ABHD6: variants seen among roughly 807,000 people sequenced by gnomAD.
ABHD6 encodes the protein monoacylglycerol lipase ABHD6.
A neutral mutation model predicts 38.8 loss-of-function variants in ABHD6; 33 were observed. That is an observed-to-expected ratio of 0.85 (90% confidence interval 0.64 to 1.14). The LOEUF is 1.14. Among genes scored for constraint, ABHD6 ranks in the 50% most tolerant of loss-of-function variants. The probability of loss-of-function intolerance (pLI) is 0.00; values close to 1 mark genes in which losing one functional copy is unlikely to be tolerated. For synonymous variants in ABHD6, 147 were observed against 161.6 expected (o/e 0.91, Z 0.69); for missense variants, 380 against 422.6 (o/e 0.90, Z 0.88).
At chr3:58,239,987 CA>C (rs542069109) in intron 1 of ABHD6, among the ~76,000 whole-genome samples, 603 of 129,320 alleles carry the variant, frequency 4.7e-3, no homozygotes, top group Middle Eastern at 7.9e-3. Flanking sequence ...CCATCTCTAC[CA>C]AAAAAAAAAA....
Position 58,267,914 on chromosome 3 carries a change from T to C in ABHD6, c.276+569T>C, listed in dbSNP as rs144851451. Among the ~76,000 whole-genome samples the C allele has an allele frequency of 0.029, 4,344 of 151,814 alleles. 89 individuals are homozygous for C. The highest frequency in any genetic ancestry group is 0.05 in the Admixed American group (755 of 15,234). On this transcript the variant is annotated intron_variant, in intron 4 of 9. Coordinates refer to ENST00000478253, the MANE Select transcript of ABHD6 (RefSeq NM_001320126.2). This position sits in a 1 kb window ranked among gnomAD's most constrained non-coding sequence, Gnocchi z 4.3. ...GGGCAACATAGGGAGACTCCGTCTC[T>C]ACAAAAAAATTAGCCAGGCATGGTG...
At chr3:58,282,020 C>T (rs1240663711) in intron 7 of ABHD6, among the ~76,000 whole-genome samples, 1 of 152,152 alleles carries the variant, frequency 6.6e-6, no homozygotes, top group Admixed American at 6.5e-5. Flanking sequence ...TGTACAAGCA[C>T]TTATTCCAGT....
chr3:58,238,803 C>T lies in ABHD6; in HGVS notation c.-91+887C>T, dbSNP rs1375511453. Among the ~76,000 whole-genome samples, 1 of 152,172 alleles carries T rather than the reference C, an allele frequency of 6.6e-6. No homozygotes were observed. Among genetic ancestry groups the T allele is most frequent in the Non-Finnish European group, 1.5e-5 (1 of 68,022 alleles). On this transcript the variant is annotated intron_variant, in intron 1 of 9. Coordinates refer to ENST00000478253, the MANE Select transcript of ABHD6 (RefSeq NM_001320126.2). This position sits in a 1 kb window ranked among gnomAD's most constrained non-coding sequence, Gnocchi z 6.9. ...GTGGGGGTCTTACTCCAGCTGGGAC[C>T]TGGAGGCCCTCATTTATCTCGCCGC...
chr3:58,289,709 A>G (rs1233735866), intron 9 of ABHD6, among the ~76,000 whole-genome samples: 6 of 152,150 alleles, frequency 3.9e-5, no homozygotes, highest in African/African-American at 2.4e-5. Context: ...ATTCCACAAA[A>G]CCACCATTGT....
chr3:58,246,296 C>T (rs2097426341), intron 1 of ABHD6, among the ~76,000 whole-genome samples: 1 of 152,166 alleles, frequency 6.6e-6, no homozygotes, highest in South Asian at 2.1e-4. Context: ...CAGCCCCCAT[C>T]CTGACAAAAG....
At chr3:58,260,580 A>G (rs1361556154) in intron 3 of ABHD6, among the ~76,000 whole-genome samples, 3 of 152,218 alleles carry the variant, frequency 2.0e-5, no homozygotes, top group Admixed American at 6.5e-5. Context: ...TAGAATGAGC[A>G]GCATCACCAT....
At chr3:58,286,241 G>A (rs556460787) in intron 9 of ABHD6, among the ~76,000 whole-genome samples, 3 of 152,098 alleles carry the variant, frequency 2.0e-5, no homozygotes, top group South Asian at 2.1e-4. Flanking sequence ...GGATGGTCTC[G>A]ATCTCCTGAC....
intron 7 of ABHD6, among the ~76,000 whole-genome samples, chr3:58,281,048 G>A (rs2097452814): frequency 6.6e-6 from 1 of 152,232 alleles, no homozygotes; most frequent in African/African-American, 2.4e-5. Context: ...GGCTACACGA[G>A]GGTCAGGGAC....
intron 1 of ABHD6, among the ~76,000 whole-genome samples, chr3:58,246,511 C>T (rs2097426506): frequency 6.6e-6 from 1 of 152,210 alleles, no homozygotes. Context: ...TCTCTCTGAT[C>T]CTCCACCCAC....
At chr3:58,240,233 A>G (rs2097421827) in intron 1 of ABHD6, among the ~76,000 whole-genome samples, 1 of 152,044 alleles carries the variant, frequency 6.6e-6, no homozygotes, top group Admixed American at 6.5e-5. Flanking sequence ...ACTATGTCAT[A>G]TTCTTTAAAA....
chr3:58,286,734 C>T (rs1209868595), intron 9 of ABHD6, among the ~76,000 whole-genome samples: 1 of 150,464 alleles, frequency 6.6e-6, no homozygotes, highest in African/African-American at 2.4e-5. Context: ...TCTGAGCTTT[C>T]AAACATGCTA....
chr3:58,252,267 C>G (rs1040726282), intron 2 of ABHD6, among the ~76,000 whole-genome samples: 2 of 135,106 alleles, frequency 1.5e-5, no homozygotes, highest in East Asian at 4.8e-4. Flanking sequence ...CAGTCTCCCT[C>G]TGTCGCCTAG....
At chr3:58,250,167 G>T (rs543065416) in intron 2 of ABHD6, among the ~76,000 whole-genome samples, 2 of 152,264 alleles carry the variant, frequency 1.3e-5, no homozygotes, top group South Asian at 2.1e-4. Context: ...AAGACTATGT[G>T]GGGGAACCTG....
At position 58,274,808 on chromosome 3, in the gene ABHD6, C is replaced by T; in HGVS notation, c.674C>T (p.Pro225Leu). ...QLCSYVRFKVPQQILQGLVDV... is the reference protein window; with the variant it reads ...QLCSYVRFKVLQQILQGLVDV... Reference sequence around the variant, plus strand: ...TGCTCCTATGTCCGCTTCAAGGTGCCCCAGCAGGTAACGTGGTTGCAGCAG... The same window carrying T: ...TGCTCCTATGTCCGCTTCAAGGTGCTCCAGCAGGTAACGTGGTTGCAGCAG... Residue 225 changes from proline to leucine, a missense_variant, in exon 7 of 10, where the codon CCC becomes CTC. Pro to Leu is a moderately conservative substitution (Grantham distance 98). Coordinates refer to ENST00000478253, the MANE Select transcript of ABHD6 (RefSeq NM_001320126.2). The T allele has an allele frequency of 6.2e-7, 1 of 1,613,354 alleles. No homozygotes were observed. The highest frequency in any genetic ancestry group is 8.5e-7 in the Non-Finnish European group (1 of 1,179,596).
intron 1 of ABHD6, among the ~76,000 whole-genome samples, chr3:58,242,837 C>T (rs1432985983): frequency 6.6e-6 from 1 of 152,166 alleles, no homozygotes; most frequent in African/African-American, 2.4e-5. Flanking sequence ...TCGTCATTTA[C>T]GTTAGGTATT....
chr3:58,287,527 G>A lies in ABHD6; in HGVS notation c.837+2074G>A, dbSNP rs150980905. 5.3e-5 allele frequency among the ~76,000 whole-genome samples: 8 copies of A among 152,310 alleles called. No homozygotes were observed. The highest frequency in any genetic ancestry group is 2.0e-4 in the Admixed American group (3 of 15,294). On this transcript the variant is annotated intron_variant, in intron 9 of 9. Coordinates refer to ENST00000478253, the MANE Select transcript of ABHD6 (RefSeq NM_001320126.2). The surrounding 1 kb of genome is among the most constrained non-coding windows in gnomAD (Gnocchi z 4.7). ...GGATTCACAGCATGGTTTTGTGGAC[G>A]TGGAGAGAAGGGGATCTCATGTGCT...
chr3:58,286,848 G>GCATATATATATATCTA (rs746605515), intron 9 of ABHD6, among the ~76,000 whole-genome samples: 1 of 70,060 alleles, frequency 1.4e-5, no homozygotes, highest in African/African-American at 5.6e-5. Context: ...GTGTGTGTGT[G>GCATATATATATATCTA]TGTGTATATA....
intron 7 of ABHD6, among the ~76,000 whole-genome samples, chr3:58,283,446 T>C (rs531260235): frequency 6.6e-6 from 1 of 152,348 alleles, no homozygotes; most frequent in South Asian, 2.1e-4. Flanking sequence ...CTAGGGACTT[T>C]GTCTTAATTG....
intron 6 of ABHD6, 41 bp downstream of exon 6, chr3:58,271,105 C>G: frequency 6.5e-7 from 1 of 1,546,904 alleles, no homozygotes; most frequent in Non-Finnish European, 8.7e-7. Context: ...AGGGATGAAT[C>G]CCTGAAGAAA....
Sources: gnomAD v4.1 joint callset for allele counts (sites outside exome capture counted in the v4.1 genomes callset) on GRCh38, gnomAD v4.1.1 for gene constraint, Gnocchi (gnomAD v3.1) non-coding constraint, MANE v1.5 for transcripts, NCBI Gene and HGNC (gene_info 2026-07-23, HGNC 2026-07-21) for gene names.